The following RALGAPB variants were observed in gnomAD, a reference collection of about 807,000 sequenced individuals.
RALGAPB encodes the protein ral GTPase-activating protein subunit beta.
In RALGAPB, 25 loss-of-function variants were observed where a neutral mutation model predicts 161.1. That is an observed-to-expected ratio of 0.16 (90% CI 0.11 to 0.22). RALGAPB has a LOEUF of 0.22. RALGAPB is among the 10% of genes least tolerant of loss of function. RALGAPB has a pLI of 1.00. For missense variants in RALGAPB, 1,391 were observed against 1,815.2 expected (o/e 0.77, Z 4.25); for synonymous variants, 629 against 626.1 (o/e 1.00, Z -0.07).
chr20:38,526,881 T>TA (rs1247132396), intron 13 of RALGAPB, among the ~76,000 whole-genome samples: 6 of 152,218 alleles, frequency 3.9e-5, no homozygotes, highest in Non-Finnish European at 7.3e-5. Context: ...AGCAATGTAT[T>TA]ACATTTGAAA....
chr20:38,570,043 A>ATTTAGCAAGTCACT, intron 27 of RALGAPB, 47 bp downstream of exon 27: 1 of 1,471,572 alleles, frequency 6.8e-7, no homozygotes, highest in Non-Finnish European at 9.5e-7. Context: ...AATATATGAC[A>ATTTAGCAAGTCACT]GTGACTTGCT....
chr20:38,570,877 C>T lies in RALGAPB; in HGVS notation c.4142+30C>T, dbSNP rs368469157. ...ACTCTATTTGCTTGAAGTTCATCAG[C>T]GTGTCTTTTTTTAACATATTGATTG... On this transcript the variant is annotated intron_variant, in intron 28 of 29. Coordinates refer to ENST00000262879, the MANE Select transcript of RALGAPB (RefSeq NM_020336.4). 59 of 1,449,516 alleles carry T rather than the reference C, an allele frequency of 4.1e-5. 1 individual carries two copies. The highest frequency in any genetic ancestry group is 3.7e-4 in the South Asian group (31 of 83,064). The allele number at this position is 1,449,516 out of a possible 1,614,324, so 89.8% of individuals were successfully genotyped here. A position where few individuals can be genotyped will look rare whatever the true frequency, so the allele number is the denominator to read the frequency against.
chr20:38,502,256 G>T (rs2085618287), intron 5 of RALGAPB, among the ~76,000 whole-genome samples: 1 of 152,082 alleles, frequency 6.6e-6, no homozygotes, highest in Non-Finnish European at 1.5e-5. Flanking sequence ...AATCTCTTCA[G>T]TAAATAGTGT....
In RALGAPB at chr20:38,551,202, G is replaced by A; in HGVS notation, c.3141G>A (p.Leu1047=). The part of the protein sequence containing the change: ...FVKADLSIPD[L]HEIVTEELEE... ...AAGCAGATCTCAGCATTCCAGATTT[G>A]CATGAAATAGTCACTGAAGAAGTAA... The change falls in exon 21 of 30, where the codon TTG becomes TTA. Residue 1047 remains leucine (L), a synonymous_variant. Transcript: ENST00000262879. 2 of 1,613,796 alleles carry A rather than the reference G, an allele frequency of 1.2e-6. No homozygotes were observed. The highest frequency in any genetic ancestry group is 1.7e-6 in the Non-Finnish European group (2 of 1,179,778).
intron 5 of RALGAPB, among the ~76,000 whole-genome samples, chr20:38,504,416 A>G (rs2085688852): frequency 6.6e-6 from 1 of 152,190 alleles, no homozygotes; most frequent in Admixed American, 6.5e-5. Flanking sequence ...ACCTTTCACC[A>G]TATACAAAAA....
intron 1 of RALGAPB, among the ~76,000 whole-genome samples, chr20:38,475,657 CA>C (rs1308264926): frequency 6.6e-6 from 1 of 151,076 alleles, no homozygotes; most frequent in Non-Finnish European, 1.5e-5. Flanking sequence ...CTCTGTCCCC[CA>C]GGCTGGAGTG....
intron 18 of RALGAPB, among the ~76,000 whole-genome samples, chr20:38,545,931 T>A (rs1374590351): frequency 6.6e-6 from 1 of 152,194 alleles, no homozygotes; most frequent in African/African-American, 2.4e-5. Flanking sequence ...AGGGAGTAGG[T>A]CACTAAGATC....
At chr20:38,534,408 A>C (rs1008544545) in intron 15 of RALGAPB, 2 of 152,574 alleles carry the variant, frequency 1.3e-5, no homozygotes, top group African/African-American at 2.4e-5. Flanking sequence ...AATGTCCCTA[A>C]AGCTTCCTTT....
chr20:38,526,252 A>G (rs1488382792), intron 13 of RALGAPB, among the ~76,000 whole-genome samples: 3 of 152,054 alleles, frequency 2.0e-5, no homozygotes, highest in East Asian at 1.9e-4. Flanking sequence ...TTGGTCATTT[A>G]TTTGTGCTTT....
At chr20:38,531,629 G>C (rs1394208386) in intron 14 of RALGAPB, among the ~76,000 whole-genome samples, 1 of 152,132 alleles carries the variant, frequency 6.6e-6, no homozygotes, top group African/African-American at 2.4e-5. Context: ...TAAGTTTGCA[G>C]GTCCCTCAAA....
chr20:38,486,727 T>C (rs1331400704), intron 1 of RALGAPB, among the ~76,000 whole-genome samples: 1 of 152,250 alleles, frequency 6.6e-6, no homozygotes, highest in Non-Finnish European at 1.5e-5. Flanking sequence ...ATCCAACTTT[T>C]ATTTTTACTA....
At chr20:38,549,351 C>T (rs6064693) in intron 20 of RALGAPB, among the ~76,000 whole-genome samples, 1 of 151,810 alleles carries the variant, frequency 6.6e-6, no homozygotes, top group East Asian at 1.9e-4. Flanking sequence ...CCTCATCCTC[C>T]TGAGTAGCTG....
At chr20:38,527,011 C>T (rs568608794) in intron 13 of RALGAPB, among the ~76,000 whole-genome samples, 1 of 152,290 alleles carries the variant, frequency 6.6e-6, no homozygotes, top group East Asian at 1.9e-4. Flanking sequence ...CCTCAGCCAC[C>T]TAACAGGAGT....
At chr20:38,486,265 G>C (rs899791363) in intron 1 of RALGAPB, among the ~76,000 whole-genome samples, 1 of 151,954 alleles carries the variant, frequency 6.6e-6, no homozygotes, top group Non-Finnish European at 1.5e-5. Context: ...GAGTCACCAC[G>C]CCTGGCCTAT....
intron 17 of RALGAPB, among the ~76,000 whole-genome samples, chr20:38,540,184 G>A (rs1313895825): frequency 1.3e-5 from 2 of 152,164 alleles, no homozygotes; most frequent in Admixed American, 1.3e-4. Flanking sequence ...TTAGAAAGAT[G>A]AGACCTTGGC....
In RALGAPB at chr20:38,497,498, G is replaced by A. The variant is rs1289068395; in HGVS notation, c.535G>A (p.Ala179Thr). 6.2e-7 allele frequency: 1 copy of A among 1,612,754 alleles called. No individual in the cohort carries two copies. Among genetic ancestry groups the A allele is most frequent in the East Asian group, 2.2e-5 (1 of 44,858 alleles). The part of the protein sequence containing the change: ...FLLQINDILL[A>T]PPTVQGGIAE... ...TCTGCAGATTAACGACATACTTCTGGCCCCACCAACTGTTCAAGGTTTGTT... is the reference window on the plus strand; with the variant it reads ...TCTGCAGATTAACGACATACTTCTGACCCCACCAACTGTTCAAGGTTTGTT... The change falls in exon 4 of 30, where the codon GCC becomes ACC. Residue 179 changes from alanine (A) to threonine (T), a missense_variant. Around this residue, in one of 3 missense-constraint regions of RALGAPB, gnomAD observed 946 missense variants for 1,257.2 expected, o/e 0.75. Transcript: ENST00000262879.
chr20:38,514,751 C>T (rs1179181592), intron 6 of RALGAPB, among the ~76,000 whole-genome samples: 1 of 152,238 alleles, frequency 6.6e-6, no homozygotes, highest in African/African-American at 2.4e-5. Context: ...TGTATGCCCA[C>T]CTGCCCTTTA....
chr20:38,481,618 TG>T (rs2084974636), intron 1 of RALGAPB, among the ~76,000 whole-genome samples: 2 of 152,180 alleles, frequency 1.3e-5, no homozygotes, highest in Admixed American at 1.3e-4. Context: ...ATGGGAATTG[TG>T]GGAGTTACAA....
intron 13 of RALGAPB, among the ~76,000 whole-genome samples, chr20:38,528,589 G>A (rs966868701): frequency 2.6e-5 from 4 of 152,002 alleles, no homozygotes; most frequent in Admixed American, 6.6e-5. Flanking sequence ...GGCTGGTCTC[G>A]GACTTCTGGG....
Sources: gnomAD v4.1 joint callset for allele counts (sites outside exome capture counted in the v4.1 genomes callset) on GRCh38, gnomAD v4.1.1 for gene constraint, gnomAD v4.1.1 regional missense constraint, MANE v1.5 for transcripts, NCBI Gene and HGNC (gene_info 2026-07-23, HGNC 2026-07-21) for gene names.